The following CDIN1 variants were observed in gnomAD, a reference collection of about 807,000 sequenced individuals.
CDIN1 encodes CDAN1-interacting nuclease 1.
A neutral mutation model predicts 45.3 loss-of-function variants in CDIN1; 33 were observed. The ratio of observed to expected loss-of-function variants is 0.73; its 90% CI spans 0.55 to 0.97. The LOEUF (loss-of-function observed/expected upper bound fraction) is 0.97, where lower values mean the gene tolerates loss of function less well. Among genes scored for constraint, CDIN1 ranks in the 50% least tolerant of loss-of-function variants. CDIN1 has a pLI of 0.00. For missense variants in CDIN1, 303 were observed against 339.4 expected, an observed-to-expected ratio of 0.89 and a Z score of 0.84; for synonymous variants, 118 against 124.4, an observed-to-expected ratio of 0.95 and a Z score of 0.34.
chr15:36,617,827 TACACAAAAGGCTTTTA>T (rs1165729975), intron 1 of CDIN1: 8 of 788,694 alleles, frequency 1.0e-5, no homozygotes, highest in Non-Finnish European at 1.8e-5. Context: ...CAGACACAGA[TACACAAAAGGCTTTTA>T]AATCCTTAAG....
Position 36,709,829 on chromosome 15 carries a change from G to A in CDIN1, c.611-27G>A, listed in dbSNP as rs372208057. On this transcript the variant is annotated intron_variant, in intron 9 of 10. Transcript: ENST00000566621. ...TTTTCAATCTTCCCCTCCCTTCTCC[G>A]TATATTAGTAATGCTTTGTCCCTTA... 4.4e-5 allele frequency: 69 copies of A among 1,570,836 alleles called. No individual in the cohort carries two copies. The African/African-American group carries it at 4.5e-4, about 10-fold the overall frequency.
At chr15:36,658,019 T>C in intron 5 of CDIN1, 114 bp downstream of exon 5, 1 of 814,428 alleles carries the variant, frequency 1.2e-6, no homozygotes, top group South Asian at 1.7e-5. Flanking sequence ...ACAGCTATCA[T>C]GAACAGTTAA....
intron 10 of CDIN1, chr15:36,804,715 C>T (rs1419247338): frequency 9.1e-6 from 1 of 110,072 alleles, no homozygotes; most frequent in Non-Finnish European, 1.7e-5. Flanking sequence ...CTCTGTCACC[C>T]AGGCTGGAGT....
rs188038076 is a variant in CDIN1 at position 36,619,395 on chromosome 15, A to G, written c.102-24883A>G. ...ACAGGAGAAAGTACATCCTTAAATC[A>G]TTATGGATTTTGGAGTTGTGAGTGA... On this transcript the variant is annotated intron_variant, in intron 1 of 10. Coordinates refer to ENST00000566621, the MANE Select transcript of CDIN1 (RefSeq NM_001321759.2). The G allele has an allele frequency of 1.1e-5, 4 of 356,126 alleles. No individual in the cohort carries two copies. The East Asian group carries it at 1.4e-4, about 12-fold the overall frequency. 22.1% of individuals were successfully genotyped at this position (356,126 alleles called of 1,614,324 possible).
chr15:36,634,544 T>C (rs1385830920), intron 1 of CDIN1, among the ~76,000 whole-genome samples: 1 of 152,232 alleles, frequency 6.6e-6, no homozygotes, highest in African/African-American at 2.4e-5. Context: ...ATAGTACTGA[T>C]TTATAAGAAT....
chr15:36,704,784 C>G (rs2042802246), intron 8 of CDIN1: 1 of 152,208 alleles, frequency 6.6e-6, no homozygotes, highest in East Asian at 1.9e-4. Flanking sequence ...CAGAATGTGA[C>G]TTTTCATTTT....
At chr15:36,588,196 A>G (rs1452449762) in intron 1 of CDIN1, among the ~76,000 whole-genome samples, 2 of 152,212 alleles carry the variant, frequency 1.3e-5, no homozygotes, top group African/African-American at 4.8e-5. Flanking sequence ...GTTAACAGAA[A>G]CTTCTTTAAG....
chr15:36,654,743 A>G lies in CDIN1; in HGVS notation c.273+585A>G, dbSNP rs187845167. Among the ~76,000 whole-genome samples the G allele has an allele frequency of 2.8e-3, 424 of 152,284 alleles. 2 individuals are homozygous for G. Among genetic ancestry groups the G allele is most frequent in the African/African-American group, 9.7e-3 (403 of 41,560 alleles). On this transcript the variant is annotated intron_variant, in intron 4 of 10. Coordinates refer to ENST00000566621, the MANE Select transcript of CDIN1 (RefSeq NM_001321759.2). ...ACTCTGATCTGCTTCTGTTTGGGGA[A>G]ACAAATAACAGCCTTACATTTAAAA...
At chr15:36,599,596 T>C (rs1369702486) in intron 1 of CDIN1, among the ~76,000 whole-genome samples, 1 of 152,240 alleles carries the variant, frequency 6.6e-6, no homozygotes, top group Non-Finnish European at 1.5e-5. Context: ...TATGTTGAGC[T>C]GCTACGTGAA....
In CDIN1 at chr15:36,672,408, G is replaced by A. The variant is rs189755139; in HGVS notation, c.346+14503G>A. The stretch of plus-strand genomic sequence containing the variant: ...TGCCAGGTACTATTACAGGCTCTTG[G>A]GAGATCTCAGGAAAGCCAAAAACAG... On this transcript the variant is annotated intron_variant, in intron 5 of 10. Coordinates refer to ENST00000566621, the MANE Select transcript of CDIN1 (RefSeq NM_001321759.2). 6.1e-3 allele frequency among the ~76,000 whole-genome samples: 934 copies of A among 151,942 alleles called. 4 individuals are homozygous for A. Among genetic ancestry groups the A allele is most frequent in the Non-Finnish European group, 0.01 (687 of 67,936 alleles).
intron 1 of CDIN1, among the ~76,000 whole-genome samples, chr15:36,614,944 C>G (rs572081484): frequency 4.6e-4 from 70 of 152,210 alleles, no homozygotes; most frequent in African/African-American, 1.6e-3. Context: ...TCATGTCCCC[C>G]CTTATGTTGA....
At chr15:36,712,230 G>C (rs2043077851) in intron 10 of CDIN1, among the ~76,000 whole-genome samples, 1 of 143,864 alleles carries the variant, frequency 7.0e-6, no homozygotes, top group East Asian at 2.1e-4. Flanking sequence ...TTTACAATAA[G>C]ACTGTTCAAT....
chr15:36,678,823 T>C (rs2041744937), intron 5 of CDIN1, among the ~76,000 whole-genome samples: 1 of 152,236 alleles, frequency 6.6e-6, no homozygotes, highest in Non-Finnish European at 1.5e-5. Flanking sequence ...ACTTTCGGGA[T>C]CTTGAGAGCG....
intron 7 of CDIN1, among the ~76,000 whole-genome samples, 155 bp downstream of exon 7, chr15:36,692,330 A>G (rs2042287694): frequency 6.6e-6 from 1 of 152,198 alleles, no homozygotes. Flanking sequence ...ACTACAGACC[A>G]TTCTTTTCTA....
intron 1 of CDIN1, among the ~76,000 whole-genome samples, chr15:36,635,583 A>G (rs1244168460): frequency 1.3e-5 from 2 of 152,164 alleles, no homozygotes; most frequent in Non-Finnish European, 2.9e-5. Flanking sequence ...ATGACACATA[A>G]TGAGAGATAC....
intron 5 of CDIN1, among the ~76,000 whole-genome samples, chr15:36,680,945 A>G (rs2041829082): frequency 6.6e-6 from 1 of 152,204 alleles, no homozygotes; most frequent in Non-Finnish European, 1.5e-5. Flanking sequence ...TTAATTCTAC[A>G]GTGCAGGTCA....
At chr15:36,696,813 A>G (rs1273783967) in intron 7 of CDIN1, among the ~76,000 whole-genome samples, 3 of 152,086 alleles carry the variant, frequency 2.0e-5, no homozygotes, top group Non-Finnish European at 2.9e-5. Flanking sequence ...CAAAATATAT[A>G]TAAAAATTAT....
At chr15:36,679,258 A>T (rs1595460431) in intron 5 of CDIN1, among the ~76,000 whole-genome samples, 1 of 152,120 alleles carries the variant, frequency 6.6e-6, no homozygotes, top group Non-Finnish European at 1.5e-5. Context: ...GAATAGATTG[A>T]CTTCTGGCTG....
chr15:36,679,116 T>TC (rs5811923), intron 5 of CDIN1, among the ~76,000 whole-genome samples: 151,486 of 152,300 alleles, frequency 0.99, 75,344 homozygotes, highest in Middle Eastern at 1. Context: ...CCTAGTTCTT[T>TC]TCAAGCCCAC....
Sources: gnomAD v4.1 joint callset for allele counts (sites outside exome capture counted in the v4.1 genomes callset) on GRCh38, gnomAD v4.1.1 for gene constraint, MANE v1.5 for transcripts, NCBI Gene and HGNC (gene_info 2026-07-23, HGNC 2026-07-21) for gene names.